The following FAM167A variants were observed in gnomAD, a reference collection of about 807,000 sequenced individuals.
The protein encoded by FAM167A is family with sequence similarity 167 member A, also known as protein FAM167A.
FAM167A carries 23 observed loss-of-function variants against 14.9 expected under a neutral mutation model. The observed-to-expected ratio is 1.55, with a 90% CI of 1.11 to 2.19. The LOEUF (loss-of-function observed/expected upper bound fraction) is 2.19, where lower values mean the gene tolerates loss of function less well. Among genes scored for constraint, FAM167A ranks in the 30% most tolerant of loss-of-function variants. The pLI is 0.00. For synonymous variants in FAM167A, 174 were observed against 117.7 expected (o/e 1.48, Z -3.10); for missense variants, 401 against 281.5 (o/e 1.42, Z -3.04).
chr8:11,432,891 G>T (rs979137516), intron 2 of FAM167A, among the ~76,000 whole-genome samples: 4 of 152,146 alleles, frequency 2.6e-5, no homozygotes, highest in Admixed American at 1.3e-4. Context: ...CCATAAAAAA[G>T]GATGAGTTCA....
At chr8:11,434,899 A>G in intron 2 of FAM167A, 1 of 392,832 alleles carries the variant, frequency 2.5e-6, no homozygotes. Flanking sequence ...CCGGAGAGAG[A>G]GTGGGAGAGA....
At chr8:11,452,656 T>C (rs1390159766) in intron 1 of FAM167A, among the ~76,000 whole-genome samples, 1 of 152,188 alleles carries the variant, frequency 6.6e-6, no homozygotes, top group African/African-American at 2.4e-5. Flanking sequence ...ACTAACCCTA[T>C]TCAAATCCCC....
intron 2 of FAM167A, chr8:11,438,680 T>C (rs12674532): frequency 0.039 from 14,587 of 377,650 alleles, 902 homozygotes; most frequent in East Asian, 0.29. Context: ...GGTTCTTTTG[T>C]TTATACATTC....
chr8:11,424,344 C>T lies in FAM167A; in HGVS notation c.*29G>A. The T allele has an allele frequency of 1.9e-6, 3 of 1,611,464 alleles. No individual in the cohort carries two copies. The highest frequency in any genetic ancestry group is 1.7e-5 in the Admixed American group (1 of 59,994). On this transcript the variant is annotated 3_prime_UTR_variant, in exon 3 of 3. Transcript: ENST00000284486. Reference sequence around the variant, plus strand: ...ACCCCTCCAGCCCAAGCCCTCCGCTCCAGCCCCTCCGCCCAGTCTGAGGGC... The same window carrying T: ...ACCCCTCCAGCCCAAGCCCTCCGCTTCAGCCCCTCCGCCCAGTCTGAGGGC...
At chr8:11,472,406 T>C (rs1807987285), upstream of FAM167A, among the ~76,000 whole-genome samples, 1 of 151,684 alleles carries the variant, frequency 6.6e-6, no homozygotes, top group Admixed American at 6.6e-5. Flanking sequence ...ACAGCATTTG[T>C]TTTTGTTTTG....
intron 1 of FAM167A, among the ~76,000 whole-genome samples, chr8:11,475,452 C>G (rs1797845604): frequency 6.6e-6 from 1 of 152,036 alleles, no homozygotes; most frequent in African/African-American, 2.4e-5. Flanking sequence ...TTCAGCTGCG[C>G]AAGTCACTCA....
At chr8:11,428,085 A>C (rs1805310053) in intron 2 of FAM167A, among the ~76,000 whole-genome samples, 1 of 151,456 alleles carries the variant, frequency 6.6e-6, no homozygotes, top group Admixed American at 6.6e-5. Context: ...TAATTTGACA[A>C]TAGATCTTTT....
chr8:11,433,887 C>G (rs924127003), intron 2 of FAM167A: 2 of 152,210 alleles, frequency 1.3e-5, no homozygotes, highest in South Asian at 2.1e-4. Context: ...TTTGTGTAAT[C>G]TCTTTCCTTA....
At chr8:11,425,517 T>A (rs1751218892) in intron 2 of FAM167A, among the ~76,000 whole-genome samples, 1 of 152,206 alleles carries the variant, frequency 6.6e-6, no homozygotes, top group Non-Finnish European at 1.5e-5. Context: ...TTTAGTGGCT[T>A]GATGTTTCCT....
intron 1 of FAM167A, among the ~76,000 whole-genome samples, chr8:11,455,974 TG>T (rs1290681566): frequency 1.6e-5 from 2 of 121,484 alleles, no homozygotes; most frequent in Non-Finnish European, 3.4e-5. Flanking sequence ...TGAGTGAGTG[TG>T]GGGGGTGGTT....
At chr8:11,424,870 C>A (rs1217747157) in intron 2 of FAM167A, among the ~76,000 whole-genome samples, 2 of 152,216 alleles carry the variant, frequency 1.3e-5, no homozygotes, top group African/African-American at 4.8e-5. Flanking sequence ...CTAAGTCCTT[C>A]TGAAAGACAT....
chr8:11,474,366 C>G (rs1797803492), intron 1 of FAM167A, among the ~76,000 whole-genome samples: 1 of 152,216 alleles, frequency 6.6e-6, no homozygotes, highest in Non-Finnish European at 1.5e-5. Context: ...TGTTTGGAAC[C>G]TGACACCAGC....
intron 2 of FAM167A, among the ~76,000 whole-genome samples, chr8:11,426,073 A>T (rs1050267525): frequency 3.9e-5 from 6 of 152,206 alleles, no homozygotes; most frequent in African/African-American, 1.4e-4. Flanking sequence ...CATAACAAGA[A>T]CCTTGGCCTC....
chr8:11,450,138 C>T (rs539179103), intron 1 of FAM167A, among the ~76,000 whole-genome samples: 11 of 152,338 alleles, frequency 7.2e-5, no homozygotes, highest in South Asian at 4.1e-4. Flanking sequence ...ACCCCTGACT[C>T]GGCACAAGCT....
At chr8:11,437,974 G>C (rs1021402923) in intron 2 of FAM167A, 9 of 317,170 alleles carry the variant, frequency 2.8e-5, no homozygotes, top group Non-Finnish European at 5.6e-5. Flanking sequence ...TCAACTTACT[G>C]CATCTCTATT....
At chr8:11,470,296 G>A (rs971706120), upstream of FAM167A, among the ~76,000 whole-genome samples, 19 of 152,274 alleles carry the variant, frequency 1.2e-4, no homozygotes, top group Admixed American at 4.6e-4. Context: ...ACGATGGAGG[G>A]GGTCTTGTGG....
intron 1 of FAM167A, among the ~76,000 whole-genome samples, chr8:11,453,477 C>G (rs1201607200): frequency 6.6e-6 from 1 of 152,220 alleles, no homozygotes; most frequent in Non-Finnish European, 1.5e-5. Flanking sequence ...TCCCATTACA[C>G]AGATGAAGAG....
intron 1 of FAM167A, among the ~76,000 whole-genome samples, chr8:11,474,073 C>T (rs988289272): frequency 6.6e-6 from 1 of 152,130 alleles, no homozygotes; most frequent in Non-Finnish European, 1.5e-5. Flanking sequence ...TGGGGTTTCA[C>T]CATGTTGGCC....
rs761572595 is a variant in FAM167A at position 11,424,394 on chromosome 8, A to G, written c.624T>C (p.Ser208=). 1 of 1,613,982 alleles carries G rather than the reference A, an allele frequency of 6.2e-7. No homozygotes were observed. Among genetic ancestry groups the G allele is most frequent in the Admixed American group, 1.7e-5 (1 of 60,006 alleles). Residue 208 remains serine, a synonymous_variant, in exon 3 of 3, where the codon TCT becomes TCC. Transcript: ENST00000284486. ...LIGVTKMNIN[S]RRFSLC ...CTCCTCAGCAGAGAGAGAACCTCCG[A>G]GAGTTGATGTTCATCTTGGTCACGC...
Sources: gnomAD v4.1 joint callset for allele counts (sites outside exome capture counted in the v4.1 genomes callset) on GRCh38, gnomAD v4.1.1 for gene constraint, MANE v1.5 for transcripts, NCBI Gene and HGNC (gene_info 2026-07-23, HGNC 2026-07-21) for gene names.